The following PIK3C3 variants were observed in gnomAD, a reference collection of about 807,000 sequenced individuals.
PIK3C3 encodes the protein phosphatidylinositol 3-kinase catalytic subunit type 3.
Under a neutral mutation model 126.1 loss-of-function variants are expected in PIK3C3, and 95 were observed. The ratio of observed to expected loss-of-function variants is 0.75; its 90% CI spans 0.64 to 0.89. PIK3C3 has a LOEUF of 0.89. Ranked by LOEUF, PIK3C3 falls within the 40% of genes least tolerant of loss-of-function variation. The probability of loss-of-function intolerance (pLI) is 0.00; values close to 1 mark genes in which losing one functional copy is unlikely to be tolerated. For synonymous variants in PIK3C3, 374 were observed against 360.0 expected, an observed-to-expected ratio of 1.04 and a Z score of -0.44; for missense variants, 829 against 1,063.2, an observed-to-expected ratio of 0.78 and a Z score of 3.06.
At chr18:42,003,987 T>C (rs182371520) in intron 9 of PIK3C3, among the ~76,000 whole-genome samples, 16 of 152,308 alleles carry the variant, frequency 1.1e-4, no homozygotes, top group African/African-American at 3.4e-4. Context: ...TATTTTCTGT[T>C]GTAAAATATA....
chr18:42,019,346 A>G (rs1983218289), intron 12 of PIK3C3, among the ~76,000 whole-genome samples: 1 of 152,140 alleles, frequency 6.6e-6, no homozygotes, highest in South Asian at 2.1e-4. Flanking sequence ...TTGTTTATAC[A>G]TACTCTTTTC....
chr18:41,997,639 A>AT (rs1555674625), intron 9 of PIK3C3, among the ~76,000 whole-genome samples: 1 of 152,104 alleles, frequency 6.6e-6, no homozygotes, highest in Non-Finnish European at 1.5e-5. Context: ...AATAGCTAGC[A>AT]TTTTTTAAAC....
chr18:42,064,774 A>G lies in PIK3C3; in HGVS notation c.2467A>G (p.Met823Val), dbSNP rs1253311374. The change falls in exon 23 of 25, where the codon ATG becomes GTG. Residue 823 changes from methionine (M) to valine (V), a missense_variant. Coordinates refer to ENST00000262039, the MANE Select transcript of PIK3C3 (RefSeq NM_002647.4). ...SNLILNLFSL[M>V]VDANIPDIAL... ...TCTGATTTTGAACTTGTTTTCCTTG[A>G]TGGTTGATGCAAACATTCCAGATAT... is the stretch of plus-strand genomic sequence containing the variant. 6.2e-7 allele frequency: 1 copy of G among 1,606,268 alleles called. No homozygotes were observed. The highest frequency in any genetic ancestry group is 8.5e-7 in the Non-Finnish European group (1 of 1,173,138).
At chr18:42,037,124 A>G (rs920652100) in intron 16 of PIK3C3, among the ~76,000 whole-genome samples, 2 of 152,230 alleles carry the variant, frequency 1.3e-5, no homozygotes, top group African/African-American at 4.8e-5. Context: ...CAAAATCCCA[A>G]ACATTTGCAA....
At chr18:41,964,268 A>G (rs751382125) in intron 3 of PIK3C3, among the ~76,000 whole-genome samples, 3 of 152,140 alleles carry the variant, frequency 2.0e-5, no homozygotes, top group Non-Finnish European at 4.4e-5. Flanking sequence ...TATATACTCA[A>G]TTCATCATGT....
chr18:42,071,381 T>G (rs1455319607), intron 24 of PIK3C3, among the ~76,000 whole-genome samples: 1 of 152,188 alleles, frequency 6.6e-6, no homozygotes, highest in Non-Finnish European at 1.5e-5. Flanking sequence ...CAAGTATGTT[T>G]TAGTGTTATC....
At chr18:41,965,031 G>T (rs1980284437) in intron 3 of PIK3C3, among the ~76,000 whole-genome samples, 1 of 152,190 alleles carries the variant, frequency 6.6e-6, no homozygotes, top group Non-Finnish European at 1.5e-5. Context: ...AAAATAGCAT[G>T]TTACAGCAGA....
intron 7 of PIK3C3, 44 bp downstream of exon 7, chr18:41,993,385 A>G (rs745606304): frequency 8.3e-7 from 1 of 1,208,784 alleles, no homozygotes; most frequent in Non-Finnish European, 1.2e-6. Context: ...TTTTCTTCAG[A>G]GTAATTGTGA....
chr18:42,038,577 C>T (rs1002453723), intron 17 of PIK3C3, among the ~76,000 whole-genome samples: 3 of 152,092 alleles, frequency 2.0e-5, no homozygotes, highest in African/African-American at 7.2e-5. Context: ...CTCCTGACCT[C>T]AGGTGATCCA....
Position 42,037,682 on chromosome 18 carries a change from T to C in PIK3C3, c.1840-10T>C. The C allele has an allele frequency of 6.3e-7, 1 of 1,598,922 alleles. No individual in the cohort carries two copies. ...TGGCCAAATTTGAAATCAATATTTT[T>C]ATTTTCCAGAGTGCCCTTATGCCTG... On this transcript the variant is annotated splice_polypyrimidine_tract_variant and intron_variant, in intron 16 of 24. Transcript: ENST00000262039.
intron 21 of PIK3C3, among the ~76,000 whole-genome samples, chr18:42,055,547 A>C (rs1644229756): frequency 6.6e-6 from 1 of 152,160 alleles, no homozygotes; most frequent in African/African-American, 2.4e-5. Flanking sequence ...TTAAGACAAA[A>C]GGCATTTTAT....
chr18:42,017,266 C>T (rs995810447), intron 12 of PIK3C3, among the ~76,000 whole-genome samples: 1 of 152,050 alleles, frequency 6.6e-6, no homozygotes, highest in African/African-American at 2.4e-5. Flanking sequence ...TTTTTGACAC[C>T]TGAGCAGTAT....
At chr18:42,004,636 A>T in intron 10 of PIK3C3, 95 bp downstream of exon 10, 1 of 960,772 alleles carries the variant, frequency 1.0e-6, no homozygotes, top group Non-Finnish European at 1.5e-6. Flanking sequence ...AGTGAGAGAG[A>T]GAGTGTGTGC....
chr18:41,957,900 C>A, intron 2 of PIK3C3, 142 bp downstream of exon 2: 1 of 583,572 alleles, frequency 1.7e-6, no homozygotes, highest in Non-Finnish European at 2.9e-6. Flanking sequence ...TAGAAACATA[C>A]TCAGATAAAG....
chr18:41,960,009 C>T (rs932223139), intron 2 of PIK3C3, among the ~76,000 whole-genome samples: 6 of 152,174 alleles, frequency 3.9e-5, no homozygotes, highest in African/African-American at 1.4e-4. Flanking sequence ...GAAATTAGAT[C>T]ATAAAGGGAT....
intron 21 of PIK3C3, among the ~76,000 whole-genome samples, chr18:42,054,126 GTA>G (rs60224978): frequency 0.052 from 3,599 of 69,654 alleles, 503 homozygotes; most frequent in Middle Eastern, 0.2. Context: ...AGAACTAATG[GTA>G]TATATATATA....
chr18:42,056,987 C>T (rs550567846), intron 21 of PIK3C3, among the ~76,000 whole-genome samples: 1 of 151,814 alleles, frequency 6.6e-6, no homozygotes, highest in Admixed American at 6.6e-5. Context: ...ACCATTAAAG[C>T]CCATTTTGGG....
chr18:42,020,345 A>G (rs1222558914), intron 12 of PIK3C3, among the ~76,000 whole-genome samples: 1 of 152,078 alleles, frequency 6.6e-6, no homozygotes, highest in Non-Finnish European at 1.5e-5. Flanking sequence ...TGCCTTTTCT[A>G]ATCTCCCAAC....
intron 21 of PIK3C3, chr18:42,051,089 A>G (rs1164193384): frequency 6.6e-6 from 1 of 152,248 alleles, no homozygotes; most frequent in East Asian, 1.9e-4. Context: ...CAGCTAGTAG[A>G]TGCTGGGAAT....
Sources: gnomAD v4.1 joint callset for allele counts (sites outside exome capture counted in the v4.1 genomes callset) on GRCh38, gnomAD v4.1.1 for gene constraint, MANE v1.5 for transcripts, NCBI Gene and HGNC (gene_info 2026-07-23, HGNC 2026-07-21) for gene names.